The following THUMPD2 variants were observed in gnomAD, a reference collection of about 807,000 sequenced individuals.
The protein encoded by THUMPD2 is THUMP domain 2 tRNA and snRNA guanosine methyltransferase.
In THUMPD2, 56 loss-of-function variants were observed where a neutral mutation model predicts 49.4. The ratio of observed to expected loss-of-function variants is 1.13; its 90% CI spans 0.91 to 1.41. THUMPD2 has a LOEUF of 1.41. Ranked by LOEUF, THUMPD2 falls within the 40% of genes most tolerant of loss-of-function variation. The pLI, the probability that THUMPD2 is intolerant of heterozygous loss-of-function variation, is 0.00. For synonymous variants in THUMPD2, 237 were observed against 205.2 expected (o/e 1.15, Z -1.32); for missense variants, 709 against 594.5 (o/e 1.19, Z -2.00).
At chr2:39,767,646 G>A (rs1677729144) in intron 4 of THUMPD2, among the ~76,000 whole-genome samples, 1 of 145,034 alleles carries the variant, frequency 6.9e-6, no homozygotes, top group Non-Finnish European at 1.5e-5. Flanking sequence ...GCAGATAAGA[G>A]AATGATACTC....
At position 39,737,037 on chromosome 2, in the gene THUMPD2, T is replaced by C. The variant is rs1673170213; in HGVS notation, c.1210A>G (p.Ile404Val). The C allele has an allele frequency of 1.2e-6, 2 of 1,609,504 alleles. No individual in the cohort carries two copies. The highest frequency in any genetic ancestry group is 1.7e-6 in the Non-Finnish European group (2 of 1,176,588). Residue 404 changes from isoleucine (I) to valine (V), a missense_variant, in exon 10 of 10, where the codon ATT (isoleucine) becomes GTT (valine). Transcript: ENST00000505747. ...TGATCTTCACTAAGCAACAATACAA[T>C]GGTTCCGCCAACATGAAGCACTCTG... ...MERVLHVGGTIVLLLSEDHHR... is the reference protein window; with the variant it reads ...MERVLHVGGTVVLLLSEDHHR...
At position 39,769,986 on chromosome 2, in the gene THUMPD2, T is replaced by C. The variant is rs1678096872; in HGVS notation, c.396A>G (p.Gln132=). 6.3e-7 allele frequency: 1 copy of C among 1,578,614 alleles called. No homozygotes were observed. Among genetic ancestry groups the C allele is most frequent in the African/African-American group, 1.4e-5 (1 of 72,398 alleles). ...CATTTTCTCCCACTTTTCTTTTTAG[T>C]TGGTTATCATCTCTCTGAGAAAGTT... ...KEKLSQRDDN[Q]LKRKVGENEI... The change falls in exon 3 of 10, where the codon CAA becomes CAG. Residue 132 remains glutamine (Q), a synonymous_variant. Coordinates refer to ENST00000505747, the MANE Select transcript of THUMPD2 (RefSeq NM_025264.5).
chr2:39,764,147 T>A lies in THUMPD2; in HGVS notation c.803+1910A>T, dbSNP rs149541749. Among the ~76,000 whole-genome samples, 54 of 152,336 alleles carry A rather than the reference T, an allele frequency of 3.5e-4. No homozygotes were observed. The East Asian group carries it at 8.3e-3, about 23-fold the overall frequency. ...TCACAGGTCCGTAATTAGAGTTAGTTTCTCTTTCCTAACTCTAATCAAGCA... is the reference window on the plus strand; with the variant it reads ...TCACAGGTCCGTAATTAGAGTTAGTATCTCTTTCCTAACTCTAATCAAGCA... On this transcript the variant is annotated intron_variant, in intron 5 of 9. Transcript: ENST00000505747.
chr2:39,736,982 C>T lies in THUMPD2; in HGVS notation c.1265G>A (p.Ser422Asn), dbSNP rs768910769. The T allele has an allele frequency of 1.2e-6, 2 of 1,613,976 alleles. No homozygotes were observed. The highest frequency in any genetic ancestry group is 3.3e-5 in the Admixed American group (2 of 60,010). The change falls in exon 10 of 10, where the codon AGC (serine) becomes AAC (asparagine). Residue 422 changes from serine to asparagine, a missense_variant. Transcript: ENST00000505747. ...GTCCTTGGAATTGAAAGGGATGTTGCTCTCTTTACAATCTGTAAGGCGCCT... is the reference window on the plus strand; with the variant it reads ...GTCCTTGGAATTGAAAGGGATGTTGTTCTCTTTACAATCTGTAAGGCGCCT... ...HHRRLTDCKE[S>N]NIPFNSKDSH... is the part of the protein sequence containing the mutation.
intron 8 of THUMPD2, among the ~76,000 whole-genome samples, chr2:39,746,730 T>C (rs1199283316): frequency 6.6e-6 from 1 of 152,168 alleles, no homozygotes; most frequent in African/African-American, 2.4e-5. Flanking sequence ...AAAAATTTCC[T>C]AAAACTCAGG....
At chr2:39,746,882 G>A (rs1406953738) in intron 8 of THUMPD2, among the ~76,000 whole-genome samples, 1 of 151,904 alleles carries the variant, frequency 6.6e-6, no homozygotes, top group South Asian at 2.1e-4. Context: ...TTTGTTCCTT[G>A]TTCTTTCTGT....
Position 39,761,535 on chromosome 2 carries a change from G to A in THUMPD2, c.804-117C>T, listed in dbSNP as rs960935262. On this transcript the variant is annotated intron_variant, in intron 5 of 9. Coordinates refer to ENST00000505747, the MANE Select transcript of THUMPD2 (RefSeq NM_025264.5). The stretch of plus-strand genomic sequence containing the variant: ...ACATATTCATCCAACATACACTAAA[G>A]TATTCCCTAAGTTAGACAATGTTTC... 4.3e-6 allele frequency: 4 copies of A among 934,964 alleles called. No individual in the cohort carries two copies. The African/African-American group carries it at 4.9e-5, about 11-fold the overall frequency. 57.9% of individuals were successfully genotyped at this position (934,964 alleles called of 1,614,324 possible).
At chr2:39,777,535 A>G (rs965311101) in intron 1 of THUMPD2, among the ~76,000 whole-genome samples, 21 of 152,224 alleles carry the variant, frequency 1.4e-4, no homozygotes, top group Admixed American at 1.2e-3. Flanking sequence ...AAATCATAAC[A>G]TGCACATAAC....
At chr2:39,760,679 A>C (rs1193924289) in intron 6 of THUMPD2, among the ~76,000 whole-genome samples, 13 of 152,190 alleles carry the variant, frequency 8.5e-5, no homozygotes, top group Admixed American at 8.5e-4. Flanking sequence ...TACTAGGCTG[A>C]TGCAAACAAA....
At position 39,769,934 on chromosome 2, in the gene THUMPD2, C is replaced by G. The variant is rs766491264; in HGVS notation, c.448G>C (p.Glu150Gln). Residue 150 changes from glutamate (E) to glutamine (Q), a missense_variant, in exon 3 of 10, where the codon GAA becomes CAA. Physicochemically the swap from Glu to Gln is conservative, Grantham distance 29 (BLOSUM62 2). Transcript: ENST00000505747. ...NEIIAKKLKIEQMQKIEENRD... is the reference protein window; with the variant it reads ...NEIIAKKLKIQQMQKIEENRD... The stretch of plus-strand genomic sequence containing the variant: ...TTCTCTTCTATCTTTTGCATTTGTT[C>G]TATTTTTAATTTCTTTGCAATGATT... The G allele has an allele frequency of 1.9e-6, 3 of 1,577,022 alleles. No individual in the cohort carries two copies. Among genetic ancestry groups the G allele is most frequent in the East Asian group, 2.3e-5 (1 of 43,782 alleles).
Position 39,771,739 on chromosome 2 carries a change from C to A in THUMPD2, c.127-99G>T, listed in dbSNP as rs1678345819. 5 of 1,262,088 alleles carry A rather than the reference C, an allele frequency of 4.0e-6. No homozygotes were observed. In the African/African-American group the frequency reaches 4.6e-5, roughly 12 times the overall value. The allele number at this position is 1,262,088 out of a possible 1,614,324, so 78.2% of individuals were successfully genotyped here. A position where few individuals can be genotyped will look rare whatever the true frequency, so the allele number is the denominator to read the frequency against. ...GCATCTAAATTAAAAATAAAAATAA[C>A]CATTTCTGAAGTATCTACTATTTGT... On this transcript the variant is annotated intron_variant, in intron 1 of 9. Transcript: ENST00000505747.
At chr2:39,750,594 C>A (rs1190679308) in intron 8 of THUMPD2, among the ~76,000 whole-genome samples, 1 of 151,988 alleles carries the variant, frequency 6.6e-6, no homozygotes, top group Non-Finnish European at 1.5e-5. Context: ...GTAATCCCAG[C>A]TACTTGGGAG....
In THUMPD2 at chr2:39,760,394, C is replaced by T. The variant is rs140328295; in HGVS notation, c.891+937G>A. Among the ~76,000 whole-genome samples, 415 of 151,976 alleles carry T rather than the reference C, an allele frequency of 2.7e-3. 3 individuals carry two copies. The highest frequency in any genetic ancestry group is 9.4e-3 in the African/African-American group (390 of 41,424). On this transcript the variant is annotated intron_variant, in intron 6 of 9. Transcript: ENST00000505747. ...TTAGTTAAGAGAGCTGGGAAAAGGA[C>T]TGTAATGGAATAGAACAATGAAGTA...
intron 6 of THUMPD2, among the ~76,000 whole-genome samples, chr2:39,757,986 A>C (rs1163652507): frequency 8.5e-5 from 13 of 152,182 alleles, no homozygotes; most frequent in Non-Finnish European, 1.3e-4. Flanking sequence ...TAGGTTCTTT[A>C]ACAGACCTCC....
intron 3 of THUMPD2, chr2:39,769,103 G>A: frequency 1.5e-6 from 2 of 1,303,460 alleles, no homozygotes; most frequent in Admixed American, 2.3e-5. Context: ...CCTGTGCAGA[G>A]TAGCCACTGA....
intron 9 of THUMPD2, among the ~76,000 whole-genome samples, chr2:39,741,202 G>A (rs961010498): frequency 2.6e-5 from 4 of 152,166 alleles, no homozygotes; most frequent in Non-Finnish European, 2.9e-5. Context: ...TTTCCCTTTC[G>A]TATGTGAACC....
At chr2:39,751,121 T>C (rs1013488997) in intron 8 of THUMPD2, among the ~76,000 whole-genome samples, 8 of 152,268 alleles carry the variant, frequency 5.3e-5, no homozygotes, top group African/African-American at 1.9e-4. Context: ...TCCCTCTGAT[T>C]TCCCAAATGG....
intron 8 of THUMPD2, among the ~76,000 whole-genome samples, chr2:39,753,207 T>C (rs778401044): frequency 6.6e-6 from 1 of 152,182 alleles, no homozygotes; most frequent in Non-Finnish European, 1.5e-5. Flanking sequence ...TCTAAACTAG[T>C]TGTTTTCAAG....
chr2:39,773,983 GC>G (rs1290197282), intron 1 of THUMPD2, among the ~76,000 whole-genome samples: 1 of 152,338 alleles, frequency 6.6e-6, no homozygotes, highest in East Asian at 1.9e-4. Flanking sequence ...CCCAGCCAGG[GC>G]TACTGTCTGG....
Sources: gnomAD v4.1 joint callset for allele counts (sites outside exome capture counted in the v4.1 genomes callset) on GRCh38, gnomAD v4.1.1 for gene constraint, MANE v1.5 for transcripts, NCBI Gene and HGNC (gene_info 2026-07-23, HGNC 2026-07-21) for gene names.